Variants in HRH2 observed in about 807,000 individuals in gnomAD.
HRH2 encodes histamine receptor H2.
HRH2 carries 4 observed loss-of-function variants against 20.1 expected under a neutral mutation model. The ratio of observed to expected loss-of-function variants is 0.20; its 90% CI spans 0.10 to 0.45. The LOEUF is 0.45. Among genes scored for constraint, HRH2 ranks in the 20% least tolerant of loss-of-function variants. The pLI, the probability that HRH2 is intolerant of heterozygous loss-of-function variation, is 0.99. For synonymous variants in HRH2, 197 were observed against 200.7 expected (o/e 0.98, Z 0.16); for missense variants, 250 against 461.6 (o/e 0.54, Z 4.20).
At chr5:175,668,243 G>T (rs190057885) in intron 1 of HRH2, among the ~76,000 whole-genome samples, 8 of 152,186 alleles carry the variant, frequency 5.3e-5, no homozygotes, top group South Asian at 2.1e-4. Flanking sequence ...ACACATGTGC[G>T]CTATTTATGC....
intron 2 of HRH2, among the ~76,000 whole-genome samples, chr5:175,695,445 G>C (rs13360721): frequency 0.14 from 21,748 of 152,098 alleles, 3,392 homozygotes; most frequent in African/African-American, 0.39. Context: ...GGAGTAGGTA[G>C]GAGAAAACCC....
intron 2 of HRH2, among the ~76,000 whole-genome samples, chr5:175,688,990 T>C (rs1756272102): frequency 6.6e-6 from 1 of 152,154 alleles, no homozygotes; most frequent in Non-Finnish European, 1.5e-5. Context: ...CCCTGGGCCT[T>C]TGCCTGTGGC....
intron 1 of HRH2, among the ~76,000 whole-genome samples, chr5:175,672,278 A>T (rs1010645947): frequency 3.3e-5 from 5 of 152,066 alleles, no homozygotes; most frequent in African/African-American, 1.2e-4. Context: ...CCTGGGTGGC[A>T]GGGATGTGGG....
In HRH2 at chr5:175,709,898, C is replaced by T. The variant is rs1007468386; in HGVS notation, c.*1927C>T. The T allele has an allele frequency of 1.3e-5, 2 of 153,030 alleles. No homozygotes were observed. Among genetic ancestry groups the T allele is most frequent in the Non-Finnish European group, 2.9e-5 (2 of 68,634 alleles). The allele number at this position is 153,030 out of a possible 1,614,324, so 9.5% of individuals were successfully genotyped here. On this transcript the variant is annotated 3_prime_UTR_variant, in exon 3 of 3. Transcript: ENST00000636584. The stretch of plus-strand genomic sequence containing the variant: ...GGGACCCTGCTGGGCCCTCTCCAGC[C>T]TCCCCCTGCGCCAGGCCTCCTCCGT...
intron 2 of HRH2, among the ~76,000 whole-genome samples, chr5:175,695,807 G>A (rs1756556865): frequency 6.6e-6 from 1 of 152,244 alleles, no homozygotes; most frequent in Admixed American, 6.5e-5. Flanking sequence ...AGGGAACAGG[G>A]AAGAGGGGAG....
At chr5:175,692,220 G>A (rs573557247) in intron 2 of HRH2, among the ~76,000 whole-genome samples, 68 of 152,318 alleles carry the variant, frequency 4.5e-4, no homozygotes, top group Admixed American at 2.6e-4. Flanking sequence ...GCCACAGCCC[G>A]TACATAAATG....
chr5:175,675,525 G>A (rs887897668), intron 1 of HRH2, among the ~76,000 whole-genome samples: 1 of 152,228 alleles, frequency 6.6e-6, no homozygotes. Context: ...TCAAAGACCA[G>A]GACAGTTGGA....
rs1055003411 is a variant in HRH2 at position 175,687,188 on chromosome 5, A to G, written c.1076+2879A>G. On this transcript the variant is annotated intron_variant, in intron 2 of 2. Transcript: ENST00000636584. The surrounding 1 kb of genome is among the most constrained non-coding windows in gnomAD (Gnocchi z 5.2). ...AGGGCCCCACACTGTGGTTGAGGGC[A>G]TGGAGGGCGGAGGGAGCCAAGAACA... 6.6e-6 allele frequency among the ~76,000 whole-genome samples: 1 copy of G among 152,188 alleles called. No homozygotes were observed.
intron 2 of HRH2, among the ~76,000 whole-genome samples, chr5:175,700,156 C>T (rs1008037671): frequency 1.3e-5 from 2 of 152,194 alleles, no homozygotes; most frequent in Admixed American, 6.5e-5. Flanking sequence ...AGTTGCTGCT[C>T]AGATATTTGT....
At chr5:175,663,725 C>G (rs1032111903) in intron 1 of HRH2, among the ~76,000 whole-genome samples, 4 of 152,232 alleles carry the variant, frequency 2.6e-5, no homozygotes, top group Non-Finnish European at 5.9e-5. Flanking sequence ...AGAGGCCCTC[C>G]CTGTCCTCCC....
chr5:175,658,208 G>C (rs1303633921), intron 1 of HRH2, 53 bp downstream of exon 1: 2 of 151,860 alleles, frequency 1.3e-5, no homozygotes, highest in African/African-American at 2.4e-5. Context: ...GGGGTCCCAG[G>C]CGGGCTTGGG....
At position 175,693,877 on chromosome 5, in the gene HRH2, C is replaced by T. The variant is rs796783997; in HGVS notation, c.1076+9568C>T. 2.2e-4 allele frequency among the ~76,000 whole-genome samples: 34 copies of T among 152,266 alleles called. 1 individual carries two copies. In the South Asian group the frequency reaches 5.8e-3, roughly 26 times the overall value. ...CTTTTGTGGCTGCTGAGTTTCCTGCCGTCTCCCCCATTCACTCATCCCTTA... is the reference window on the plus strand; with the variant it reads ...CTTTTGTGGCTGCTGAGTTTCCTGCTGTCTCCCCCATTCACTCATCCCTTA... On this transcript the variant is annotated intron_variant, in intron 2 of 2. Transcript: ENST00000636584. The surrounding 1 kb of genome is among the most constrained non-coding windows in gnomAD (Gnocchi z 4.4).
intron 1 of HRH2, among the ~76,000 whole-genome samples, chr5:175,674,649 T>G (rs1755695478): frequency 6.6e-6 from 1 of 152,134 alleles, no homozygotes; most frequent in African/African-American, 2.4e-5. Flanking sequence ...TTTCAGCCTG[T>G]GCAGAGGGGT....
chr5:175,696,948 A>G (rs1333868255), intron 2 of HRH2, among the ~76,000 whole-genome samples: 1 of 152,222 alleles, frequency 6.6e-6, no homozygotes, highest in African/African-American at 2.4e-5. Flanking sequence ...AGGGCTCAGC[A>G]CAGGGTTTGC....
intron 1 of HRH2, among the ~76,000 whole-genome samples, chr5:175,659,054 C>A (rs988507849): frequency 6.6e-6 from 1 of 152,128 alleles, no homozygotes; most frequent in Non-Finnish European, 1.5e-5. Context: ...CCTCAGGTCC[C>A]CTCTGTGCCC....
rs968068895 is a variant in HRH2 at position 175,687,485 on chromosome 5, A to G, written c.1076+3176A>G. 6.6e-6 allele frequency among the ~76,000 whole-genome samples: 1 copy of G among 152,154 alleles called. No homozygotes were observed. Among genetic ancestry groups the G allele is most frequent in the Non-Finnish European group, 1.5e-5 (1 of 68,010 alleles). ...GTGACTCCAGAAGATAGAGTGGCCA[A>G]GCTGGCTGGTCCTCCCTTCCCTGTG... On this transcript the variant is annotated intron_variant, in intron 2 of 2. Transcript: ENST00000636584. This position sits in a 1 kb window ranked among gnomAD's most constrained non-coding sequence, Gnocchi z 5.2.
chr5:175,668,488 G>T (rs1051062170), intron 1 of HRH2, among the ~76,000 whole-genome samples: 1 of 152,188 alleles, frequency 6.6e-6, no homozygotes, highest in Non-Finnish European at 1.5e-5. Context: ...CAACTCCATT[G>T]TGAGGCTGGG....
intron 1 of HRH2, among the ~76,000 whole-genome samples, chr5:175,669,891 A>G (rs1755462115): frequency 2.0e-5 from 3 of 152,234 alleles, no homozygotes; most frequent in Non-Finnish European, 4.4e-5. Flanking sequence ...CCACTAAAGG[A>G]ATCCTGCCTT....
intron 1 of HRH2, among the ~76,000 whole-genome samples, chr5:175,670,468 T>C (rs1430061092): frequency 6.6e-6 from 1 of 152,204 alleles, no homozygotes; most frequent in Non-Finnish European, 1.5e-5. Flanking sequence ...ACACATGTTG[T>C]TTGAAGGAAA....
Sources: allele counts gnomAD v4.1 joint callset (sites outside exome capture counted in the v4.1 genomes callset), GRCh38; gene constraint gnomAD v4.1.1; non-coding constraint Gnocchi (gnomAD v3.1); transcripts MANE v1.5; gene names NCBI Gene and HGNC (gene_info 2026-07-23, HGNC 2026-07-21).